Variants in SDK1 observed in about 807,000 individuals in gnomAD.
The protein encoded by SDK1 is protein sidekick-1.
In SDK1, 157 loss-of-function variants were observed where a neutral mutation model predicts 245.5. The ratio of observed to expected loss-of-function variants is 0.64; its 90% CI spans 0.56 to 0.73. The LOEUF (loss-of-function observed/expected upper bound fraction) is 0.73. Ranked by LOEUF, SDK1 falls within the 30% of genes least tolerant of loss-of-function variation. The pLI is 0.00. For missense variants in SDK1, 3,583 were observed against 3,002.3 expected, an observed-to-expected ratio of 1.19 and a Z score of -4.52; for synonymous variants, 1,647 against 1,278.5, an observed-to-expected ratio of 1.29 and a Z score of -6.15.
At position 3,748,010 on chromosome 7, in the gene SDK1, T is replaced by G. The variant is rs115957837; in HGVS notation, c.714-73440T>G. Among the ~76,000 whole-genome samples, 1,169 of 152,302 alleles carry G rather than the reference T, an allele frequency of 7.7e-3. 20 individuals carry two copies. Among genetic ancestry groups the G allele is most frequent in the African/African-American group, 0.027 (1,128 of 41,550 alleles). On this transcript the variant is annotated intron_variant, in intron 4 of 44. Coordinates refer to ENST00000404826, the MANE Select transcript of SDK1 (RefSeq NM_152744.4). Reference sequence around the variant, plus strand: ...GTAATACAATTATAATGATAGAATATTAGTATATATTTGATTATACTGTAT... The same window carrying G: ...GTAATACAATTATAATGATAGAATAGTAGTATATATTTGATTATACTGTAT...
chr7:4,212,332 A>T (rs1784552782), intron 38 of SDK1, among the ~76,000 whole-genome samples: 1 of 152,202 alleles, frequency 6.6e-6, no homozygotes, highest in Non-Finnish European at 1.5e-5. Flanking sequence ...GAAAGAAAAA[A>T]TGCTCCCAAT....
intron 29 of SDK1, among the ~76,000 whole-genome samples, chr7:4,148,860 A>G (rs1318409167): frequency 6.6e-6 from 1 of 152,190 alleles, no homozygotes; most frequent in African/African-American, 2.4e-5. Context: ...GATCAAGACC[A>G]TCCTGGCCAA....
Position 4,216,968 on chromosome 7 carries a change from A to G in SDK1, c.5540-3141A>G, listed in dbSNP as rs113683036. 4.7e-3 allele frequency among the ~76,000 whole-genome samples: 708 copies of G among 150,576 alleles called. 5 individuals are homozygous for G. Among genetic ancestry groups the G allele is most frequent in the Non-Finnish European group, 7.7e-3 (517 of 67,402 alleles). On this transcript the variant is annotated intron_variant, in intron 38 of 44. Coordinates refer to ENST00000404826, the MANE Select transcript of SDK1 (RefSeq NM_152744.4). Reference sequence around the variant, plus strand: ...GGGACATCACATTGTCCAGAGCACCAGGCCACCCGGAGCACCACACCACCC... The same window carrying G: ...GGGACATCACATTGTCCAGAGCACCGGGCCACCCGGAGCACCACACCACCC...
chr7:3,737,104 C>T (rs1422315507), intron 4 of SDK1, among the ~76,000 whole-genome samples: 1 of 152,206 alleles, frequency 6.6e-6, no homozygotes, highest in Non-Finnish European at 1.5e-5. Context: ...GTCTTTCTTT[C>T]CTTATGGCGG....
At chr7:3,732,618 A>G (rs1218140817) in intron 4 of SDK1, among the ~76,000 whole-genome samples, 2 of 152,216 alleles carry the variant, frequency 1.3e-5, no homozygotes, top group East Asian at 1.9e-4. Context: ...GCATTCAAAG[A>G]GACTGAGCAG....
At chr7:4,120,744 G>A (rs1784003123) in intron 25 of SDK1, among the ~76,000 whole-genome samples, 1 of 151,998 alleles carries the variant, frequency 6.6e-6, no homozygotes, top group Non-Finnish European at 1.5e-5. Context: ...AGCCTCCCAA[G>A]TAGCTGGGAT....
intron 1 of SDK1, among the ~76,000 whole-genome samples, chr7:3,359,174 T>G (rs1780887052): frequency 6.6e-6 from 1 of 152,098 alleles, no homozygotes; most frequent in Non-Finnish European, 1.5e-5. Context: ...AGGGAGAGAC[T>G]GCCTCTTCTG....
At chr7:4,045,494 CCTCGGCCTCCCAA>C (rs767225972) in intron 17 of SDK1, among the ~76,000 whole-genome samples, 48 of 152,242 alleles carry the variant, frequency 3.2e-4, no homozygotes, top group Admixed American at 1.3e-3. Context: ...GATCCTCCCA[CCTCGGCCTCCCAA>C]AATGCTGGGA....
intron 4 of SDK1, among the ~76,000 whole-genome samples, chr7:3,818,993 G>A (rs973096000): frequency 2.0e-5 from 3 of 152,170 alleles, no homozygotes; most frequent in Admixed American, 1.3e-4. Flanking sequence ...ATGGGCACAC[G>A]ATACTTGCTT....
At chr7:3,984,067 G>A (rs1363426920) in intron 13 of SDK1, among the ~76,000 whole-genome samples, 4 of 152,144 alleles carry the variant, frequency 2.6e-5, no homozygotes, top group East Asian at 1.9e-4. Context: ...ATCTCAGGCT[G>A]TTGCGACCGT....
At chr7:4,016,156 G>A (rs1244696839) in intron 16 of SDK1, among the ~76,000 whole-genome samples, 1 of 152,240 alleles carries the variant, frequency 6.6e-6, no homozygotes, top group Non-Finnish European at 1.5e-5. Context: ...TAATGGACAT[G>A]GAATCTGCAG....
chr7:3,351,851 G>A (rs1780668585), intron 1 of SDK1, among the ~76,000 whole-genome samples: 1 of 152,090 alleles, frequency 6.6e-6, no homozygotes. Context: ...TTAGGATATG[G>A]AAGACTTAAA....
chr7:3,329,360 G>C (rs1232279071), intron 1 of SDK1, among the ~76,000 whole-genome samples: 1 of 152,062 alleles, frequency 6.6e-6, no homozygotes, highest in East Asian at 1.9e-4. Flanking sequence ...TTTGAAAACA[G>C]CTTTATTCAA....
intron 5 of SDK1, among the ~76,000 whole-genome samples, chr7:3,904,243 A>T (rs1034599477): frequency 1.3e-5 from 2 of 152,240 alleles, no homozygotes; most frequent in East Asian, 1.9e-4. Flanking sequence ...ACACAAATCT[A>T]TAGAGACAGA....
In SDK1 at chr7:3,952,720, T is replaced by G. The variant is rs1226531869; in HGVS notation, c.1150+800T>G. ...AAAAAAAAAAGAGAACAGAGATGCT[T>G]CCTCAAACTGGGCGACATATTATTC... On this transcript the variant is annotated intron_variant, in intron 7 of 44. Coordinates refer to ENST00000404826, the MANE Select transcript of SDK1 (RefSeq NM_152744.4). Among the ~76,000 whole-genome samples the G allele has an allele frequency of 3.9e-5, 6 of 151,940 alleles. No individual in the cohort carries two copies. In the East Asian group the frequency reaches 1.2e-3, roughly 29 times the overall value.
At chr7:3,799,514 C>T (rs1206859738) in intron 4 of SDK1, among the ~76,000 whole-genome samples, 1 of 151,540 alleles carries the variant, frequency 6.6e-6, no homozygotes, top group Admixed American at 6.6e-5. Context: ...ACCATCCTGG[C>T]TAACATGGTG....
intron 5 of SDK1, among the ~76,000 whole-genome samples, chr7:3,935,272 G>A (rs915338595): frequency 6.6e-6 from 1 of 152,132 alleles, no homozygotes; most frequent in African/African-American, 2.4e-5. Flanking sequence ...TGCAAAATGG[G>A]TCAAAAACCT....
Position 4,217,490 on chromosome 7 carries a change from GC to G in SDK1, c.5540-2618del, listed in dbSNP as rs1477401630. ...CACCCGGAGCACCAGGCCACCCGGA[GC>G]ACCACACCACCCGGAGCACCACACC... is the stretch of plus-strand genomic sequence containing the variant. On this transcript the variant is annotated intron_variant, in intron 38 of 44. Transcript: ENST00000404826. 7.8e-3 allele frequency among the ~76,000 whole-genome samples: 795 copies of G among 101,298 alleles called. 51 individuals are homozygous for G. The highest frequency in any genetic ancestry group is 0.011 in the Non-Finnish European group (571 of 50,142). 66.5% of individuals were successfully genotyped at this position (101,298 alleles called of 152,430 possible).
At chr7:3,850,248 A>T (rs1466331781) in intron 5 of SDK1, among the ~76,000 whole-genome samples, 1 of 152,218 alleles carries the variant, frequency 6.6e-6, no homozygotes, top group Non-Finnish European at 1.5e-5. Flanking sequence ...TCCAATCCTC[A>T]TCTGTCAAAG....
Sources: allele counts gnomAD v4.1 joint callset (sites outside exome capture counted in the v4.1 genomes callset), GRCh38; gene constraint gnomAD v4.1.1; transcripts MANE v1.5; gene names NCBI Gene and HGNC (gene_info 2026-07-23, HGNC 2026-07-21).